Variants in PCDH15 observed in about 807,000 individuals in gnomAD.
The protein encoded by PCDH15 is protocadherin related 15.
PCDH15 carries 129 observed loss-of-function variants against 178.5 expected under a neutral mutation model. That is an observed-to-expected ratio of 0.72 (90% confidence interval 0.63 to 0.84). PCDH15 has a LOEUF of 0.84. PCDH15 is among the 40% of genes least tolerant of loss of function. The pLI is 0.00. For missense variants in PCDH15, 2,230 were observed against 2,099.9 expected (o/e 1.06, Z -1.21); for synonymous variants, 800 against 732.0 (o/e 1.09, Z -1.50).
At chr10:54,315,423 A>C (rs2061184970) in intron 8 of PCDH15, among the ~76,000 whole-genome samples, 1 of 152,096 alleles carries the variant, frequency 6.6e-6, no homozygotes, top group South Asian at 2.1e-4. Flanking sequence ...TAGATGCTGG[A>C]TATTAGACCT....
intron 2 of PCDH15, among the ~76,000 whole-genome samples, chr10:54,928,520 G>A (rs780306660): frequency 5.3e-5 from 8 of 152,190 alleles, no homozygotes; most frequent in Non-Finnish European, 1.0e-4. Context: ...TAGATGATAT[G>A]CTGAACTATG....
chr10:54,174,107 T>C (rs774314256), intron 13 of PCDH15, among the ~76,000 whole-genome samples: 7 of 152,188 alleles, frequency 4.6e-5, no homozygotes, highest in Non-Finnish European at 5.9e-5. Context: ...TCAAGCATGC[T>C]AATTATTTGA....
chr10:55,276,472 A>G (rs1169335966), intron 1 of PCDH15, among the ~76,000 whole-genome samples: 1 of 151,180 alleles, frequency 6.6e-6, no homozygotes, highest in Non-Finnish European at 1.5e-5. Flanking sequence ...AAATTTATTG[A>G]GTTTATTATA....
At chr10:54,739,230 A>C (rs1287185365) in intron 1 of PCDH15, among the ~76,000 whole-genome samples, 2 of 152,012 alleles carry the variant, frequency 1.3e-5, no homozygotes, top group African/African-American at 2.4e-5. Context: ...AAGTTGCTAC[A>C]AAATCAACAT....
chr10:54,946,147 A>T (rs998710450), intron 2 of PCDH15, among the ~76,000 whole-genome samples: 1 of 151,848 alleles, frequency 6.6e-6, no homozygotes, highest in African/African-American at 2.4e-5. Context: ...AATTTTAATG[A>T]CCAAAGACTT....
chr10:55,284,073 G>C, intron 1 of PCDH15, among the ~76,000 whole-genome samples: 1 of 152,106 alleles, frequency 6.6e-6, no homozygotes, highest in East Asian at 1.9e-4. Flanking sequence ...TATTGCAATG[G>C]ATGCTTTGGT....
At chr10:55,264,087 T>A (rs1219345) in intron 1 of PCDH15, among the ~76,000 whole-genome samples, 110,417 of 151,912 alleles carry the variant, frequency 0.73, 40,326 homozygotes, top group East Asian at 0.92. Context: ...TGTTTCTGAT[T>A]GGGAAATTAA....
At chr10:55,312,671 G>A (rs1672448529) in intron 1 of PCDH15, among the ~76,000 whole-genome samples, 2 of 151,512 alleles carry the variant, frequency 1.3e-5, no homozygotes, top group African/African-American at 2.4e-5. Flanking sequence ...AGGCTGGAGC[G>A]CAATGGCACA....
rs545258362 is a variant in PCDH15 at position 54,866,279 on chromosome 10, T to C, written c.-29+31171A>G. Reference sequence around the variant, plus strand: ...TTGTTACCACAGTAAATTTAATTTATGCCAACTATTAAAAGTCTAACCCTT... The same window carrying C: ...TTGTTACCACAGTAAATTTAATTTACGCCAACTATTAAAAGTCTAACCCTT... On this transcript the variant is annotated intron_variant, in intron 3 of 5. Transcript: ENST00000458638. Among the ~76,000 whole-genome samples the C allele has an allele frequency of 7.9e-5, 12 of 152,356 alleles. No homozygotes were observed. The East Asian group carries it at 1.9e-3, about 25-fold the overall frequency.
At chr10:53,991,840 C>A (rs2091508216) in intron 21 of PCDH15, among the ~76,000 whole-genome samples, 1 of 151,992 alleles carries the variant, frequency 6.6e-6, no homozygotes, top group Admixed American at 6.5e-5. Context: ...ACAGACCAAT[C>A]AGCTCTCTGT....
At chr10:54,425,062 A>G (rs1423458299) in intron 3 of PCDH15, among the ~76,000 whole-genome samples, 1 of 151,976 alleles carries the variant, frequency 6.6e-6, no homozygotes, top group East Asian at 1.9e-4. Context: ...TAGGTTGAAA[A>G]TGTGCTTCAG....
intron 2 of PCDH15, among the ~76,000 whole-genome samples, chr10:55,124,564 T>C (rs1837851290): frequency 6.6e-6 from 1 of 152,124 alleles, no homozygotes; most frequent in Non-Finnish European, 1.5e-5. Flanking sequence ...TCTCCCTATT[T>C]TGCCTGAAAT....
chr10:54,538,915 T>C (rs2084880443), intron 2 of PCDH15, among the ~76,000 whole-genome samples: 1 of 152,182 alleles, frequency 6.6e-6, no homozygotes, highest in South Asian at 2.1e-4. Flanking sequence ...TTGGGTTCTT[T>C]TTGGTTCCAT....
At chr10:54,572,756 T>C (rs1213396149) in intron 2 of PCDH15, among the ~76,000 whole-genome samples, 4 of 152,162 alleles carry the variant, frequency 2.6e-5, no homozygotes, top group Non-Finnish European at 2.9e-5. Flanking sequence ...ATTATCTTGC[T>C]TGTAGAAAGC....
At chr10:53,845,931 A>G (rs1474657800) in intron 28 of PCDH15, among the ~76,000 whole-genome samples, 6 of 151,748 alleles carry the variant, frequency 4.0e-5, no homozygotes, top group African/African-American at 1.4e-4. Context: ...AATTATGCTG[A>G]TTTATCAGTA....
intron 2 of PCDH15, among the ~76,000 whole-genome samples, chr10:54,547,098 G>T (rs1463149977): frequency 6.6e-6 from 1 of 151,988 alleles, no homozygotes; most frequent in Non-Finnish European, 1.5e-5. Context: ...AAAACTTCAA[G>T]CACTCTCCCA....
At chr10:54,395,163 T>C (rs1951043415) in intron 3 of PCDH15, among the ~76,000 whole-genome samples, 1 of 152,136 alleles carries the variant, frequency 6.6e-6, no homozygotes, top group African/African-American at 2.4e-5. Context: ...CACAAGGGTA[T>C]TCATTGGGGA....
intron 2 of PCDH15, among the ~76,000 whole-genome samples, chr10:55,143,213 T>TAA (rs1189020580): frequency 0.2 from 29,548 of 147,808 alleles, 3,357 homozygotes; most frequent in South Asian, 0.37. Context: ...TTTTTTTTTT[T>TAA]AAATAAATTA....
At chr10:54,680,089 G>A (rs2094871215) in intron 1 of PCDH15, among the ~76,000 whole-genome samples, 1 of 152,114 alleles carries the variant, frequency 6.6e-6, no homozygotes. Flanking sequence ...TTGCTCATTT[G>A]TAAGAGGAGG....
Sources: gnomAD v4.1 joint callset for allele counts (sites outside exome capture counted in the v4.1 genomes callset) on GRCh38, gnomAD v4.1.1 for gene constraint, MANE v1.5 for transcripts, NCBI Gene and HGNC (gene_info 2026-07-23, HGNC 2026-07-21) for gene names.